CACNA1E: variants seen among roughly 807,000 people sequenced by gnomAD.
CACNA1E encodes the protein calcium voltage-gated channel subunit alpha1 E.
CACNA1E carries 40 observed loss-of-function variants against 259.2 expected under a neutral mutation model. The observed-to-expected ratio is 0.15, with a 90% CI of 0.12 to 0.20. The LOEUF is 0.20. Among genes scored for constraint, CACNA1E ranks in the 10% least tolerant of loss-of-function variants. The pLI is 1.00. For missense variants in CACNA1E, 1,874 were observed against 3,040.1 expected (o/e 0.62, Z 9.02); for synonymous variants, 1,104 against 1,138.5 (o/e 0.97, Z 0.61).
intron 3 of CACNA1E, among the ~76,000 whole-genome samples, chr1:181,573,330 T>C (rs1650608620): frequency 1.3e-5 from 2 of 152,240 alleles, no homozygotes; most frequent in Non-Finnish European, 2.9e-5. Context: ...GTCTGTCTAC[T>C]TCCACTAGAC....
chr1:181,658,395 C>T (rs141875392), intron 7 of CACNA1E, among the ~76,000 whole-genome samples: 1 of 152,344 alleles, frequency 6.6e-6, no homozygotes, highest in Non-Finnish European at 1.5e-5. Context: ...CTGTAAGAAA[C>T]CACTTATTAG....
chr1:181,323,439 C>T (rs1334931659), intron 1 of CACNA1E, among the ~76,000 whole-genome samples: 1 of 152,192 alleles, frequency 6.6e-6, no homozygotes, highest in Non-Finnish European at 1.5e-5. Flanking sequence ...AACTGTCTTT[C>T]AGAGAAGGGG....
chr1:181,483,817 C>A lies in CACNA1E; in HGVS notation c.73C>A (p.Arg25=), dbSNP rs746663524. The change falls in exon 1 of 48, where the codon CGG becomes AGG. Residue 25 remains arginine, a synonymous_variant. Coordinates refer to ENST00000367573, the MANE Select transcript of CACNA1E (RefSeq NM_001205293.3). ...TGGAGACTCGGACCAGAGCAGGAAC[C>A]GGCAAGGAACCCCCGTGCCGGCCTC... ...GDGDSDQSRN[R]QGTPVPASGQ... is the part of the protein sequence containing the mutation. 17 of 1,613,554 alleles carry A rather than the reference C, an allele frequency of 1.1e-5. No homozygotes were observed. Among genetic ancestry groups the A allele is most frequent in the South Asian group, 4.4e-5 (4 of 91,068 alleles).
At chr1:181,339,963 C>T (rs1342093465) in intron 1 of CACNA1E, among the ~76,000 whole-genome samples, 2 of 151,754 alleles carry the variant, frequency 1.3e-5, no homozygotes, top group Non-Finnish European at 2.9e-5. Context: ...AGTTTTTACA[C>T]TTTCATACAG....
intron 3 of CACNA1E, among the ~76,000 whole-genome samples, chr1:181,549,673 G>A (rs1647909558): frequency 2.6e-5 from 4 of 152,210 alleles, no homozygotes; most frequent in Admixed American, 2.6e-4. Context: ...GCTTGCTGGA[G>A]CAATGGGTGT....
At chr1:181,332,336 C>G (rs1651347000) in intron 1 of CACNA1E, among the ~76,000 whole-genome samples, 1 of 152,124 alleles carries the variant, frequency 6.6e-6, no homozygotes, top group African/African-American at 2.4e-5. Context: ...ACCTATGTAA[C>G]AAACCTGCAC....
intron 2 of CACNA1E, among the ~76,000 whole-genome samples, chr1:181,459,718 G>A (rs1209092321): frequency 3.3e-5 from 5 of 152,170 alleles, no homozygotes; most frequent in Non-Finnish European, 7.3e-5. Flanking sequence ...CTCCATGCAT[G>A]TAAAACCCGA....
chr1:181,363,832 G>A (rs369029592), intron 1 of CACNA1E, among the ~76,000 whole-genome samples: 5 of 152,220 alleles, frequency 3.3e-5, no homozygotes, highest in African/African-American at 9.6e-5. Context: ...TGGAAGTGGT[G>A]AGAGAGCTCT....
chr1:181,565,948 A>G (rs951862381), intron 3 of CACNA1E, among the ~76,000 whole-genome samples: 1 of 152,158 alleles, frequency 6.6e-6, no homozygotes, highest in Non-Finnish European at 1.5e-5. Flanking sequence ...CCACTGCTAG[A>G]AAAACAACTC....
intron 1 of CACNA1E, among the ~76,000 whole-genome samples, chr1:181,403,318 T>G (rs1362809852): frequency 6.6e-6 from 1 of 151,652 alleles, no homozygotes; most frequent in Non-Finnish European, 1.5e-5. Context: ...TTAACCATTA[T>G]TTTTATTGAT....
intron 7 of CACNA1E, among the ~76,000 whole-genome samples, chr1:181,688,726 C>CTA (rs1440184186): frequency 6.6e-6 from 1 of 152,112 alleles, no homozygotes; most frequent in Non-Finnish European, 1.5e-5. Context: ...AGTCACCATG[C>CTA]TATATAATAG....
At chr1:181,563,662 G>A (rs1034879638) in intron 3 of CACNA1E, among the ~76,000 whole-genome samples, 3 of 152,092 alleles carry the variant, frequency 2.0e-5, no homozygotes, top group African/African-American at 4.8e-5. Context: ...CATCATTTTG[G>A]TATCTTAGGG....
chr1:181,663,682 G>A (rs574158718), intron 7 of CACNA1E, among the ~76,000 whole-genome samples: 43 of 152,244 alleles, frequency 2.8e-4, no homozygotes, highest in East Asian at 9.6e-4. Flanking sequence ...GGAGATCCTC[G>A]AAAAACCTGC....
At chr1:181,387,082 A>C (rs1173593352) in intron 1 of CACNA1E, among the ~76,000 whole-genome samples, 1 of 152,110 alleles carries the variant, frequency 6.6e-6, no homozygotes, top group Non-Finnish European at 1.5e-5. Context: ...TGTGTGCCCC[A>C]GCCCTCCGAG....
chr1:181,329,569 C>G (rs751805137), intron 1 of CACNA1E, among the ~76,000 whole-genome samples: 4 of 152,156 alleles, frequency 2.6e-5, no homozygotes, highest in Non-Finnish European at 5.9e-5. Flanking sequence ...ATGCTGTTCC[C>G]TCTCCCCATA....
chr1:181,450,446 A>G (rs12141430), intron 2 of CACNA1E, among the ~76,000 whole-genome samples: 3 of 115,996 alleles, frequency 2.6e-5, no homozygotes, highest in Non-Finnish European at 5.5e-5. Context: ...GTGTGTGTGT[A>G]TGTGTGTGTG....
Position 181,732,680 on chromosome 1 carries a change from G to T in CACNA1E, c.2594G>T (p.Ser865Ile). Residue 865 changes from serine (S) to isoleucine (I), a missense_variant, in exon 20 of 48, where the codon AGT becomes ATT. Ser to Ile is a moderately radical substitution (Grantham distance 142, BLOSUM62 -2). This residue lies in a region of CACNA1E where 476 missense variants were observed against 514.0 expected (regional missense o/e 0.93). Coordinates refer to ENST00000367573, the MANE Select transcript of CACNA1E (RefSeq NM_001205293.3). The surrounding 1 kb of genome is among the most constrained non-coding windows in gnomAD (Gnocchi z 5.5). ...SLKGDGGDRS[S>I]ALDNQRTPLS... Reference sequence around the variant, plus strand: ...AAGGGGGATGGAGGGGACCGATCCAGTGCCCTGGACAACCAGAGGACCCCT... The same window carrying T: ...AAGGGGGATGGAGGGGACCGATCCATTGCCCTGGACAACCAGAGGACCCCT... 1 of 1,528,542 alleles carries T rather than the reference G, an allele frequency of 6.5e-7. No homozygotes were observed. Among genetic ancestry groups the T allele is most frequent in the Non-Finnish European group, 8.8e-7 (1 of 1,140,166 alleles). 94.7% of individuals were successfully genotyped at this position (1,528,542 alleles called of 1,614,324 possible).
intron 2 of CACNA1E, among the ~76,000 whole-genome samples, chr1:181,463,891 G>T (rs1661979188): frequency 6.6e-6 from 1 of 151,640 alleles, no homozygotes. Flanking sequence ...AGATAAAAAA[G>T]AAGTCATTTA....
At position 181,732,054 on chromosome 1, in the gene CACNA1E, G is replaced by A. The variant is rs1320174442; in HGVS notation, c.2298-330G>A. 1.3e-5 allele frequency among the ~76,000 whole-genome samples: 2 copies of A among 151,846 alleles called. No individual in the cohort carries two copies. Among genetic ancestry groups the A allele is most frequent in the Non-Finnish European group, 2.9e-5 (2 of 67,982 alleles). ...ATGCCCCGAAAGCAAGGAGAGCAGG[G>A]GAGTGAAGACGTGGTAAGCCTGTGG... On this transcript the variant is annotated intron_variant, in intron 19 of 47. Transcript: ENST00000367573. The surrounding 1 kb of genome is among the most constrained non-coding windows in gnomAD (Gnocchi z 5.5).
Sources: gnomAD v4.1 joint callset for allele counts (sites outside exome capture counted in the v4.1 genomes callset) on GRCh38, gnomAD v4.1.1 for gene constraint, gnomAD v4.1.1 regional missense constraint, Gnocchi (gnomAD v3.1) non-coding constraint, MANE v1.5 for transcripts, NCBI Gene and HGNC (gene_info 2026-07-23, HGNC 2026-07-21) for gene names.